The following THOC1 variants were observed in gnomAD, a reference collection of about 807,000 sequenced individuals.
The protein encoded by THOC1 is THO complex subunit 1, also known as THO complex 1.
A neutral mutation model predicts 97.3 loss-of-function variants in THOC1; 29 were observed. The observed-to-expected ratio is 0.30, with a 90% confidence interval of 0.22 to 0.41. The LOEUF (loss-of-function observed/expected upper bound fraction) is 0.41. Ranked by LOEUF, THOC1 falls within the 10% of genes least tolerant of loss-of-function variation. The pLI is 1.00. For synonymous variants in THOC1, 255 were observed against 257.0 expected (o/e 0.99, Z 0.07); for missense variants, 529 against 761.9 (o/e 0.69, Z 3.60).
At chr18:255,964 A>T (rs1275523997) in intron 7 of THOC1, among the ~76,000 whole-genome samples, 1 of 152,186 alleles carries the variant, frequency 6.6e-6, no homozygotes, top group Non-Finnish European at 1.5e-5. Context: ...GTTTACTGAC[A>T]ATTTTAAGGC....
At chr18:220,307 GTATATGTACAGATATA>G (rs1426120732) in intron 17 of THOC1, among the ~76,000 whole-genome samples, 1 of 152,154 alleles carries the variant, frequency 6.6e-6, no homozygotes, top group East Asian at 1.9e-4. Context: ...ATATATGCAA[GTATATGTACAGATATA>G]TATAAGTAAA....
intron 9 of THOC1, among the ~76,000 whole-genome samples, chr18:252,175 GCTT>G (rs1301877435): frequency 6.6e-6 from 1 of 152,162 alleles, no homozygotes; most frequent in Non-Finnish European, 1.5e-5. Context: ...AGGAGGAAAG[GCTT>G]CTTAACTTGC....
At chr18:215,345 G>T in intron 20 of THOC1, 84 bp downstream of exon 20, 1 of 1,026,410 alleles carries the variant, frequency 9.7e-7, no homozygotes, top group Non-Finnish European at 1.5e-6. Flanking sequence ...TTGAGAAGTC[G>T]ATCAAATTAA....
chr18:226,672 G>A lies in THOC1; in HGVS notation c.1019+129C>T, dbSNP rs143438983. On this transcript the variant is annotated intron_variant, in intron 12 of 20. Transcript: ENST00000261600. ...ATATCGAAAAGCCTTCAATGTATCAGCTGCAATACATGTGTTTTAGGGATA... is the reference window on the plus strand; with the variant it reads ...ATATCGAAAAGCCTTCAATGTATCAACTGCAATACATGTGTTTTAGGGATA... 741 of 608,334 alleles carry A rather than the reference G, an allele frequency of 1.2e-3. 1 individual carries two copies. Among genetic ancestry groups the A allele is most frequent in the African/African-American group, 0.012 (652 of 53,530 alleles). The allele number at this position is 608,334 out of a possible 1,614,324, so 37.7% of individuals were successfully genotyped here.
At chr18:226,665 T>C (rs938139856) in intron 12 of THOC1, 136 bp downstream of exon 12, 1 of 590,260 alleles carries the variant, frequency 1.7e-6, no homozygotes, top group Non-Finnish European at 2.9e-6. Flanking sequence ...AAGCCTTCAA[T>C]GTATCAGCTG....
chr18:222,800 A>C (rs990320839), intron 17 of THOC1, among the ~76,000 whole-genome samples: 2 of 152,078 alleles, frequency 1.3e-5, no homozygotes, highest in Non-Finnish European at 2.9e-5. Flanking sequence ...CTCTCTGGTG[A>C]CTTTATTATC....
At chr18:240,072 C>T (rs1911845097) in intron 11 of THOC1, among the ~76,000 whole-genome samples, 1 of 152,126 alleles carries the variant, frequency 6.6e-6, no homozygotes, top group African/African-American at 2.4e-5. Flanking sequence ...TCTAGAGGAT[C>T]TAAAATTTGT....
Position 216,537 on chromosome 18 carries a change from A to G in THOC1, c.1551T>C (p.Ser517=), listed in dbSNP as rs1910897347. Residue 517 remains serine (S), a synonymous_variant, in exon 19 of 21, where the codon AGT becomes AGC. Transcript: ENST00000261600. ...FFQPTNQQFK[S]LPEYLENMVI... ...CCATATTTTCAAGATATTCTGGTAAACTTTTAAACTGCTGGTTGGTTGGCT... is the reference window on the plus strand; with the variant it reads ...CCATATTTTCAAGATATTCTGGTAAGCTTTTAAACTGCTGGTTGGTTGGCT... 1 of 1,613,956 alleles carries G rather than the reference A, an allele frequency of 6.2e-7. No homozygotes were observed.
At chr18:230,739 T>A (rs636436) in intron 11 of THOC1, among the ~76,000 whole-genome samples, 31,595 of 152,076 alleles carry the variant, frequency 0.21, 3,459 homozygotes, top group Non-Finnish European at 0.23. Context: ...AAACATTTCA[T>A]TATTATTATT....
At position 268,005 on chromosome 18, in the gene THOC1, C is replaced by G. The variant is rs1341174144; in HGVS notation, c.15G>C (p.Pro5=). 1.2e-6 allele frequency: 2 copies of G among 1,608,276 alleles called. No individual in the cohort carries two copies. Among genetic ancestry groups the G allele is most frequent in the Non-Finnish European group, 1.7e-6 (2 of 1,177,692 alleles). The change falls in exon 1 of 21, where the codon CCG becomes CCC. Residue 5 remains proline, a synonymous_variant. Coordinates refer to ENST00000261600, the MANE Select transcript of THOC1 (RefSeq NM_005131.3). ...GCGCTTCGGGCAAACTGAAGAGCGG[C>G]GGCGTCGGAGACATCTTCTCGGCTG... MSPT[P]PLFSLPEART...
chr18:253,897 A>G (rs1912356159), intron 8 of THOC1, among the ~76,000 whole-genome samples: 1 of 145,076 alleles, frequency 6.9e-6, no homozygotes, highest in South Asian at 2.2e-4. Flanking sequence ...GCCCATTTAC[A>G]TGAAATTTTT....
At chr18:223,888 G>A (rs1030671301) in intron 16 of THOC1, among the ~76,000 whole-genome samples, 196 bp downstream of exon 16, 3 of 152,204 alleles carry the variant, frequency 2.0e-5, no homozygotes, top group Non-Finnish European at 2.9e-5. Context: ...GATTTTGGAA[G>A]CTGGAGACAA....
intron 18 of THOC1, among the ~76,000 whole-genome samples, chr18:216,942 C>A (rs188774814): frequency 2.0e-5 from 3 of 152,168 alleles, no homozygotes; most frequent in Non-Finnish European, 4.4e-5. Flanking sequence ...GTGTGCAGTA[C>A]TGGCTGGATG....
At chr18:251,918 A>G (rs1912291613) in intron 9 of THOC1, among the ~76,000 whole-genome samples, 1 of 152,214 alleles carries the variant, frequency 6.6e-6, no homozygotes, top group Admixed American at 6.5e-5. Flanking sequence ...CATTTATTCA[A>G]TGTTTAATAA....
In THOC1 at chr18:214,747, A is replaced by G; in HGVS notation, c.1853T>C (p.Val618Ala). 6.2e-7 allele frequency: 1 copy of G among 1,613,952 alleles called. No homozygotes were observed. Among genetic ancestry groups the G allele is most frequent in the Non-Finnish European group, 8.5e-7 (1 of 1,179,870 alleles). The change falls in exon 21 of 21, where the codon GTT (valine) becomes GCT (alanine). Residue 618 changes from valine (V) to alanine (A), a missense_variant. Physicochemically the swap from Val to Ala is moderately conservative, Grantham distance 64. Transcript: ENST00000261600. ...AACTCCCTCTTGATCTTGCCAGGCAACCAGGAGCTGCTTAGCTCTCATCTT... is the reference window on the plus strand; with the variant it reads ...AACTCCCTCTTGATCTTGCCAGGCAGCCAGGAGCTGCTTAGCTCTCATCTT... ...DMKMRAKQLL[V>A]AWQDQEGVHA...
At chr18:249,351 T>C (rs963512710) in intron 9 of THOC1, among the ~76,000 whole-genome samples, 1 of 152,040 alleles carries the variant, frequency 6.6e-6, no homozygotes, top group Non-Finnish European at 1.5e-5. Context: ...TACCTCTGGG[T>C]TTTCTATGAA....
At chr18:243,912 G>A (rs1911997487) in intron 11 of THOC1, among the ~76,000 whole-genome samples, 1 of 152,064 alleles carries the variant, frequency 6.6e-6, no homozygotes, top group African/African-American at 2.4e-5. Flanking sequence ...GTCTATACTT[G>A]TTATTACTGA....
intron 4 of THOC1, among the ~76,000 whole-genome samples, chr18:263,104 GGA>G (rs988183404): frequency 1.5e-4 from 23 of 151,538 alleles, no homozygotes; most frequent in Admixed American, 1.0e-3. Context: ...TTTTTGAGAT[GGA>G]GTCTTGCTCT....
chr18:224,890 G>A (rs1265725041), intron 15 of THOC1, 34 bp downstream of exon 15: 1 of 1,505,730 alleles, frequency 6.6e-7, no homozygotes, highest in African/African-American at 1.4e-5. Context: ...CTTGTGATGA[G>A]TATGTATTTA....
Sources: allele counts gnomAD v4.1 joint callset (sites outside exome capture counted in the v4.1 genomes callset), GRCh38; gene constraint gnomAD v4.1.1; transcripts MANE v1.5; gene names NCBI Gene and HGNC (gene_info 2026-07-23, HGNC 2026-07-21).